Variants in CHADL observed in about 807,000 individuals in gnomAD.
CHADL encodes chondroadherin-like protein.
In CHADL, 48 loss-of-function variants were observed where a neutral mutation model predicts 52.1. The observed-to-expected ratio is 0.92, with a 90% CI of 0.73 to 1.17. CHADL has a LOEUF of 1.17. CHADL is among the 50% of genes most tolerant of loss of function. The pLI, the probability that CHADL is intolerant of heterozygous loss-of-function variation, is 0.00. For synonymous variants in CHADL, 498 were observed against 511.2 expected (o/e 0.97, Z 0.35); for missense variants, 977 against 1,035.1 (o/e 0.94, Z 0.77).
Position 41,238,113 on chromosome 22 carries a change from G to C in CHADL, c.959C>G (p.Pro320Arg), listed in dbSNP as rs1306216927. The C allele has an allele frequency of 3.7e-6, 5 of 1,339,672 alleles. No homozygotes were observed. The highest frequency in any genetic ancestry group is 7.9e-5 in the Admixed American group (2 of 25,462). 83.0% of individuals were successfully genotyped at this position (1,339,672 alleles called of 1,614,324 possible). The change falls in exon 3 of 6, where the codon CCC becomes CGC. Residue 320 changes from proline (P) to arginine (R), a missense_variant. Coordinates refer to ENST00000216241, the MANE Select transcript of CHADL (RefSeq NM_138481.2). The surrounding 1 kb of genome is among the most constrained non-coding windows in gnomAD (Gnocchi z 4.9). ...CGCCCGCGCCAGCCACTCGAGTAGGGGCCGCGCCTGGCAGCCGCACCACAG... is the reference window on the plus strand; with the variant it reads ...CGCCCGCGCCAGCCACTCGAGTAGGCGCCGCGCCTGGCAGCCGCACCACAG... ...NPLWCGCQARPLLEWLARARV... is the reference protein window; with the variant it reads ...NPLWCGCQARRLLEWLARARV...
chr22:41,236,588 G>C lies in CHADL; in HGVS notation c.1959C>G (p.Asn653Lys), dbSNP rs1438677289. Residue 653 changes from asparagine (N) to lysine (K), a missense_variant, in exon 4 of 6, where the codon AAC becomes AAG. By Grantham distance (94) the Asn-to-Lys change is moderately conservative (BLOSUM62 0). Transcript: ENST00000216241. ...PGLQSLHLQK[N>K]QLRALPALPS... ...GCAGGGCAGGCAGGGCCCGAAGCTG[G>C]TTCTTCTGCAGGTGCAGGCTCTGGA... The C allele has an allele frequency of 3.2e-6, 5 of 1,551,134 alleles. No individual in the cohort carries two copies. In the African/African-American group the frequency reaches 5.5e-5, roughly 17 times the overall value.
Position 41,235,929 on chromosome 22 carries a change from T to A in CHADL, c.2063+555A>T, listed in dbSNP as rs1033982596. 4.6e-5 allele frequency among the ~76,000 whole-genome samples: 7 copies of A among 152,126 alleles called. No individual in the cohort carries two copies. The East Asian group carries it at 1.4e-3, about 29-fold the overall frequency. On this transcript the variant is annotated intron_variant, in intron 4 of 5. Coordinates refer to ENST00000216241, the MANE Select transcript of CHADL (RefSeq NM_138481.2). ...CTCTGTCGCCCAGGCTGGAGTGAAG[T>A]GGCGCGATCTCAGCTCACAGCAACC...
Position 41,229,682 on chromosome 22 carries a change from G to T in CHADL, c.*22C>A. ...GTAAGAGCCACCGGGCTGGGTCAAG[G>T]CAGGACCAGCCTGCTCCGTGCTCAG... On this transcript the variant is annotated 3_prime_UTR_variant, in exon 6 of 6. Transcript: ENST00000216241. 1 of 1,612,930 alleles carries T rather than the reference G, an allele frequency of 6.2e-7. No homozygotes were observed. The highest frequency in any genetic ancestry group is 8.5e-7 in the Non-Finnish European group (1 of 1,180,006).
chr22:41,230,114 C>G (rs368837915), intron 5 of CHADL: 1 of 1,199,734 alleles, frequency 8.3e-7, no homozygotes, highest in Non-Finnish European at 1.2e-6. Flanking sequence ...ACTCGCCCAC[C>G]CACCCGCCTC....
chr22:41,237,761 G>T lies in CHADL; in HGVS notation c.1311C>A (p.Phe437Leu). 1 of 1,538,444 alleles carries T rather than the reference G, an allele frequency of 6.5e-7. No individual in the cohort carries two copies. The change falls in exon 3 of 6, where the codon TTC (phenylalanine) becomes TTA (leucine). Residue 437 changes from phenylalanine to leucine, a missense_variant. By Grantham distance (22) the Phe-to-Leu change is conservative (BLOSUM62 0). Transcript: ENST00000216241. ...GGAAGGCCGCTCGGGGCACCGAGGG[G>T]AAGTGGTTCCGCCTCAGGTCCAGGA... is the stretch of plus-strand genomic sequence containing the variant. ...TQLLDLRRNH[F>L]PSVPRAAFPG... is the part of the protein sequence containing the mutation.
At position 41,237,973 on chromosome 22, in the gene CHADL, C is replaced by T. The variant is rs933721862; in HGVS notation, c.1099G>A (p.Glu367Lys). The T allele has an allele frequency of 1.8e-5, 23 of 1,260,522 alleles. No individual in the cohort carries two copies. Among genetic ancestry groups the T allele is most frequent in the Non-Finnish European group, 2.3e-5 (23 of 1,008,136 alleles). The allele number at this position is 1,260,522 out of a possible 1,614,324, so 78.1% of individuals were successfully genotyped here. A position where few individuals can be genotyped will look rare whatever the true frequency, so the allele number is the denominator to read the frequency against. The change falls in exon 3 of 6, where the codon GAG becomes AAG. Residue 367 changes from glutamate to lysine, a missense_variant. Transcript: ENST00000216241. ...CPGDAAQEEE[E>K]LEERAVAGPR... ...CCGGCCACAGCCCGCTCTTCCAGCT[C>T]TTCCTCTTCCTGCGCCGCGTCCCCA...
At chr22:41,231,692 G>A (rs2032595992) in intron 5 of CHADL, among the ~76,000 whole-genome samples, 1 of 152,224 alleles carries the variant, frequency 6.6e-6, no homozygotes, top group Non-Finnish European at 1.5e-5. Flanking sequence ...CCCTTGGAGG[G>A]AACTCAAGTT....
chr22:41,232,761 C>G (rs1162197159), intron 5 of CHADL, among the ~76,000 whole-genome samples: 1 of 152,136 alleles, frequency 6.6e-6, no homozygotes, highest in Non-Finnish European at 1.5e-5. Context: ...AAAGCCCTGA[C>G]CTGGAAGTGG....
intron 1 of CHADL, 118 bp downstream of exon 1, chr22:41,240,756 G>A (rs2032847590): frequency 8.0e-7 from 1 of 1,249,474 alleles, no homozygotes; most frequent in South Asian, 1.3e-5. Context: ...GAGAACCCCA[G>A]GAAGTCCCCA....
intron 5 of CHADL, among the ~76,000 whole-genome samples, chr22:41,234,846 C>T (rs2032707669): frequency 6.6e-6 from 1 of 152,224 alleles, no homozygotes; most frequent in Non-Finnish European, 1.5e-5. Flanking sequence ...AGCCAACGCA[C>T]CCAGCCATAG....
intron 5 of CHADL, among the ~76,000 whole-genome samples, chr22:41,231,572 T>C (rs2145627747): frequency 6.6e-6 from 1 of 152,396 alleles, no homozygotes; most frequent in South Asian, 2.1e-4. Context: ...AATGTGCGCA[T>C]GACCACGTGT....
chr22:41,230,120 G>A (rs373019962), intron 5 of CHADL: 37 of 217,638 alleles, frequency 1.7e-4, no homozygotes, highest in African/African-American at 4.2e-4. Flanking sequence ...CCACCCACCC[G>A]CCTCCCCTCC....
chr22:41,236,508 TCA>T lies in CHADL; in HGVS notation c.2037_2038del (p.Cys679Ter). 9.0e-6 allele frequency: 14 copies of T among 1,551,226 alleles called. No homozygotes were observed. Among genetic ancestry groups the T allele is most frequent in the Non-Finnish European group, 1.1e-5 (13 of 1,146,928 alleles). ...CCTGTGCAGCGGAAGCAGCTGGCAG[TCA>T]CAGTGGAAGGGATTGCTGCTGAGGT... is the stretch of plus-strand genomic sequence containing the variant. On this transcript the variant is annotated stop_gained and frameshift_variant, in exon 4 of 6. Transcript: ENST00000216241. LOFTEE classifies it high-confidence loss of function.
At chr22:41,236,749 T>A in intron 3 of CHADL, 99 bp from the exon 4 acceptor site, 1 of 1,230,162 alleles carries the variant, frequency 8.1e-7, no homozygotes, top group Non-Finnish European at 1.1e-6. Flanking sequence ...GAAGAGAAGC[T>A]GGAGAGCCCA....
intron 1 of CHADL, 49 bp downstream of exon 1, chr22:41,240,825 A>C (rs775581734): frequency 6.5e-7 from 1 of 1,549,508 alleles, no homozygotes; most frequent in South Asian, 1.2e-5. Context: ...ACCTGAGGCC[A>C]CTGAGCTGCT....
chr22:41,234,978 C>T (rs941494271), intron 5 of CHADL, among the ~76,000 whole-genome samples, 167 bp downstream of exon 5: 11 of 152,198 alleles, frequency 7.2e-5, no homozygotes, highest in Admixed American at 1.3e-4. Flanking sequence ...CGTGAGCCAC[C>T]GCGCCCAGCC....
Position 41,239,462 on chromosome 22 carries a change from AC to A in CHADL, c.166del (p.Val56CysfsTer8). ...GCTGACCTCAGGGATGGCGTCTGGC[AC>A]CTCAGTGAGGTTCTGGTACCGGCAG... ...VACRYQNLTE[V>X]PDAIPELTQR... is the part of the protein sequence containing the mutation. On this transcript the variant is annotated frameshift_variant, in exon 2 of 6. Transcript: ENST00000216241. LOFTEE classifies it high-confidence loss of function. 6.4e-7 allele frequency: 1 copy of A among 1,550,674 alleles called. No individual in the cohort carries two copies. Among genetic ancestry groups the A allele is most frequent in the Non-Finnish European group, 8.7e-7 (1 of 1,146,780 alleles).
chr22:41,231,665 C>A (rs766966579), intron 5 of CHADL, among the ~76,000 whole-genome samples: 4 of 152,210 alleles, frequency 2.6e-5, no homozygotes, highest in Non-Finnish European at 5.9e-5. Flanking sequence ...CATGCAGTAA[C>A]CTTGTGCCTC....
intron 2 of CHADL, among the ~76,000 whole-genome samples, chr22:41,239,120 A>G (rs1237273175): frequency 6.6e-6 from 1 of 152,092 alleles, no homozygotes; most frequent in Non-Finnish European, 1.5e-5. Flanking sequence ...CCACTAGCTG[A>G]TGACTCTGCA....
Sources: gnomAD v4.1 joint callset for allele counts (sites outside exome capture counted in the v4.1 genomes callset) on GRCh38, gnomAD v4.1.1 for gene constraint, Gnocchi (gnomAD v3.1) non-coding constraint, MANE v1.5 for transcripts, NCBI Gene and HGNC (gene_info 2026-07-23, HGNC 2026-07-21) for gene names.